The following ANKS1B variants were observed in gnomAD, a reference collection of about 807,000 sequenced individuals.
ANKS1B encodes the protein ankyrin repeat and sterile alpha motif domain-containing protein 1B.
ANKS1B carries 36 observed loss-of-function variants against 148.3 expected under a neutral mutation model. The observed-to-expected ratio is 0.24, with a 90% CI of 0.19 to 0.32. ANKS1B has a LOEUF of 0.32. Ranked by LOEUF, ANKS1B falls within the 10% of genes least tolerant of loss-of-function variation. The pLI is 1.00. For missense variants in ANKS1B, 1,157 were observed against 1,542.6 expected (o/e 0.75, Z 4.19); for synonymous variants, 542 against 560.8 (o/e 0.97, Z 0.47).
chr12:99,660,351 CTTTT>C (rs1331712031), intron 8 of ANKS1B, among the ~76,000 whole-genome samples: 2 of 131,578 alleles, frequency 1.5e-5, no homozygotes, highest in East Asian at 2.4e-4. Context: ...CTTTATCTTT[CTTTT>C]TCTTTTTCTT....
chr12:99,721,283 T>C (rs370088801), intron 8 of ANKS1B, among the ~76,000 whole-genome samples: 11 of 152,246 alleles, frequency 7.2e-5, no homozygotes, highest in African/African-American at 2.2e-4. Context: ...CCCAACACTT[T>C]ATCACTATTT....
At chr12:99,773,928 G>A (rs1161405496) in intron 7 of ANKS1B, among the ~76,000 whole-genome samples, 1 of 152,064 alleles carries the variant, frequency 6.6e-6, no homozygotes, top group Admixed American at 6.6e-5. Context: ...AATAAATAGT[G>A]TTGGGAAAGT....
At chr12:99,546,539 T>C (rs1482819227) in intron 9 of ANKS1B, among the ~76,000 whole-genome samples, 1 of 152,172 alleles carries the variant, frequency 6.6e-6, no homozygotes, top group Non-Finnish European at 1.5e-5. Context: ...TCAATAATTC[T>C]TCCCTACTGG....
chr12:99,695,242 T>C (rs984837599), intron 8 of ANKS1B, among the ~76,000 whole-genome samples: 7 of 152,252 alleles, frequency 4.6e-5, no homozygotes, highest in Non-Finnish European at 1.5e-5. Context: ...TGTTATCTGA[T>C]GTGGTCAAAG....
At chr12:99,887,189 C>A (rs1427143363) in intron 1 of ANKS1B, among the ~76,000 whole-genome samples, 6 of 152,156 alleles carry the variant, frequency 3.9e-5, no homozygotes, top group Non-Finnish European at 8.8e-5. Flanking sequence ...GGTATTAATA[C>A]TGCAATGCCG....
At chr12:99,934,524 T>A (rs1386617844) in intron 1 of ANKS1B, among the ~76,000 whole-genome samples, 1 of 152,150 alleles carries the variant, frequency 6.6e-6, no homozygotes, top group Non-Finnish European at 1.5e-5. Flanking sequence ...AATTTATCCA[T>A]TTCTTCTAAC....
intron 17 of ANKS1B, among the ~76,000 whole-genome samples, chr12:98,861,795 A>G (rs2099600403): frequency 6.6e-6 from 1 of 152,184 alleles, no homozygotes; most frequent in Non-Finnish European, 1.5e-5. Flanking sequence ...GCTCAAGGTC[A>G]CCCACAGTTA....
At chr12:98,888,179 T>G (rs889966569) in intron 17 of ANKS1B, among the ~76,000 whole-genome samples, 1 of 152,336 alleles carries the variant, frequency 6.6e-6, no homozygotes, top group Non-Finnish European at 1.5e-5. Context: ...ATACAATGAC[T>G]TTTTTCCTTC....
intron 6 of ANKS1B, among the ~76,000 whole-genome samples, chr12:99,778,220 G>C (rs1320801579): frequency 2.0e-5 from 3 of 151,194 alleles, no homozygotes; most frequent in Non-Finnish European, 4.4e-5. Flanking sequence ...AAAAAGTTCA[G>C]TGAGAGGCTG....
Position 99,698,259 on chromosome 12 carries a change from G to A in ANKS1B, c.1129-43049C>T, listed in dbSNP as rs138614473. Among the ~76,000 whole-genome samples the A allele has an allele frequency of 1.4e-4, 22 of 152,112 alleles. 1 individual carries two copies. Among genetic ancestry groups the A allele is most frequent in the Admixed American group, 1.3e-3 (20 of 15,272 alleles). ...AATAAAAACAAATTAATCCAAGAAC[G>A]TTTTGAATACAATACTGTTTCCACC... is the stretch of plus-strand genomic sequence containing the variant. On this transcript the variant is annotated intron_variant, in intron 8 of 26. Transcript: ENST00000683438.
At chr12:99,580,994 G>A (rs1352571599) in intron 9 of ANKS1B, among the ~76,000 whole-genome samples, 1 of 152,032 alleles carries the variant, frequency 6.6e-6, no homozygotes, top group Non-Finnish European at 1.5e-5. Context: ...TATATATTCA[G>A]TGCAATCACA....
intron 19 of ANKS1B, among the ~76,000 whole-genome samples, chr12:98,808,206 C>T (rs1044349985): frequency 2.0e-5 from 3 of 152,020 alleles, no homozygotes; most frequent in African/African-American, 4.8e-5. Context: ...TTATATTTGC[C>T]GGAAAACCAG....
intron 8 of ANKS1B, among the ~76,000 whole-genome samples, chr12:99,720,877 G>A (rs886725704): frequency 6.6e-6 from 1 of 152,132 alleles, no homozygotes; most frequent in Admixed American, 6.5e-5. Context: ...AGTCATCACA[G>A]CCAATATCTC....
chr12:99,660,355 TTC>T (rs1168541201), intron 8 of ANKS1B, among the ~76,000 whole-genome samples: 1 of 133,744 alleles, frequency 7.5e-6, no homozygotes, highest in Non-Finnish European at 1.6e-5. Context: ...ATCTTTCTTT[TTC>T]TTTTTCTTTT....
chr12:98,784,752 C>A (rs1307680794), intron 22 of ANKS1B, among the ~76,000 whole-genome samples: 1 of 152,084 alleles, frequency 6.6e-6, no homozygotes, highest in African/African-American at 2.4e-5. Context: ...ATCAGATGCT[C>A]GGCCAAGTTG....
intron 10 of ANKS1B, among the ~76,000 whole-genome samples, chr12:99,476,256 G>T (rs899892341): frequency 2.0e-5 from 3 of 152,098 alleles, no homozygotes; most frequent in Admixed American, 2.0e-4. Context: ...AGCTACACAT[G>T]GTGGCACACG....
At chr12:99,393,123 T>TAGATAGATAGAC (rs1332648030) in intron 12 of ANKS1B, among the ~76,000 whole-genome samples, 1 of 145,542 alleles carries the variant, frequency 6.9e-6, no homozygotes, top group African/African-American at 2.5e-5. Context: ...GATAGATAGA[T>TAGATAGATAGAC]AGATAGACAG....
intron 12 of ANKS1B, among the ~76,000 whole-genome samples, chr12:99,276,631 T>G (rs1456397189): frequency 4.6e-5 from 7 of 152,184 alleles, no homozygotes; most frequent in Non-Finnish European, 1.0e-4. Flanking sequence ...GAAAATACAT[T>G]TCTACTGTTT....
intron 12 of ANKS1B, among the ~76,000 whole-genome samples, chr12:99,252,567 A>G (rs537356869): frequency 6.6e-6 from 1 of 152,310 alleles, no homozygotes; most frequent in African/African-American, 2.4e-5. Flanking sequence ...ACATGACAGC[A>G]GTAGGATCCG....
Sources: allele counts gnomAD v4.1 joint callset (sites outside exome capture counted in the v4.1 genomes callset), GRCh38; gene constraint gnomAD v4.1.1; transcripts MANE v1.5; gene names NCBI Gene and HGNC (gene_info 2026-07-23, HGNC 2026-07-21).